KCNH5: variants seen among roughly 807,000 people sequenced by gnomAD.
KCNH5 encodes potassium voltage-gated channel subfamily H member 5, also known as voltage-gated delayed rectifier potassium channel KCNH5.
Under a neutral mutation model 96.1 loss-of-function variants are expected in KCNH5, and 46 were observed. The observed-to-expected ratio is 0.48, with a 90% CI of 0.38 to 0.61. The LOEUF (loss-of-function observed/expected upper bound fraction) is 0.61. Ranked by LOEUF, KCNH5 falls within the 20% of genes least tolerant of loss-of-function variation. The pLI, the probability that KCNH5 is intolerant of heterozygous loss-of-function variation, is 0.00. For missense variants in KCNH5, 907 were observed against 1,225.8 expected (o/e 0.74, Z 3.88); for synonymous variants, 439 against 449.8 (o/e 0.98, Z 0.30).
At chr14:63,019,931 T>C (rs74670087) in intron 1 of KCNH5, among the ~76,000 whole-genome samples, 2,621 of 152,234 alleles carry the variant, frequency 0.017, 28 homozygotes, top group Middle Eastern at 0.051. Flanking sequence ...GATACAGGTA[T>C]CTGAGAAAGA....
chr14:62,711,512 G>A (rs969078663), intron 10 of KCNH5, among the ~76,000 whole-genome samples: 3 of 152,140 alleles, frequency 2.0e-5, no homozygotes, highest in Non-Finnish European at 4.4e-5. Context: ...CGGGAGATAG[G>A]AAGTTAAGTA....
intron 7 of KCNH5, among the ~76,000 whole-genome samples, chr14:62,931,771 C>T (rs1889585297): frequency 1.3e-5 from 2 of 152,090 alleles, no homozygotes; most frequent in South Asian, 4.1e-4. Context: ...GACACCTACC[C>T]CTCCAGATGC....
intron 5 of KCNH5, among the ~76,000 whole-genome samples, chr14:62,984,034 T>C (rs1033495199): frequency 1.3e-5 from 2 of 152,184 alleles, no homozygotes; most frequent in Non-Finnish European, 2.9e-5. Flanking sequence ...GCTTCATCTT[T>C]TTCATATGCA....
intron 7 of KCNH5, among the ~76,000 whole-genome samples, chr14:62,923,966 C>T (rs10150703): frequency 0.19 from 29,210 of 151,588 alleles, 3,626 homozygotes; most frequent in African/African-American, 0.36. Flanking sequence ...AAAACAAACA[C>T]GTGGGACCAC....
intron 6 of KCNH5, among the ~76,000 whole-genome samples, chr14:62,977,627 G>A (rs1890526971): frequency 6.6e-6 from 1 of 152,096 alleles, no homozygotes; most frequent in Admixed American, 6.5e-5. Context: ...TTTGAAAATG[G>A]TTGCCTCTAG....
chr14:62,877,196 A>C (rs1217994652), intron 7 of KCNH5, among the ~76,000 whole-genome samples: 1 of 152,004 alleles, frequency 6.6e-6, no homozygotes, highest in Non-Finnish European at 1.5e-5. Context: ...AATTAATTCA[A>C]GATGGATTAA....
chr14:62,714,672 A>G lies in KCNH5; in HGVS notation c.2020-6217T>C, dbSNP rs148132204. Among the ~76,000 whole-genome samples the G allele has an allele frequency of 4.0e-3, 606 of 152,350 alleles. 4 individuals carry two copies. Among genetic ancestry groups the G allele is most frequent in the African/African-American group, 0.014 (568 of 41,586 alleles). Reference sequence around the variant, plus strand: ...AAGAAATTATTATAGAAAGTGTTAAAGGATTTGAGTTCATAAGAGTTCAAC... The same window carrying G: ...AAGAAATTATTATAGAAAGTGTTAAGGGATTTGAGTTCATAAGAGTTCAAC... On this transcript the variant is annotated intron_variant, in intron 10 of 10. Coordinates refer to ENST00000322893, the MANE Select transcript of KCNH5 (RefSeq NM_139318.5).
At chr14:62,826,395 T>C (rs1339764819) in intron 8 of KCNH5, among the ~76,000 whole-genome samples, 7 of 129,176 alleles carry the variant, frequency 5.4e-5, no homozygotes, top group African/African-American at 1.9e-4. Flanking sequence ...TGTGTGTGTG[T>C]GTGCGTGCGT....
chr14:62,846,787 A>ATTTTT (rs1887701404), intron 8 of KCNH5, among the ~76,000 whole-genome samples: 1 of 65,684 alleles, frequency 1.5e-5, no homozygotes, highest in African/African-American at 5.8e-5. Flanking sequence ...ATTGTATTGT[A>ATTTTT]TCTTTTTTTT....
intron 7 of KCNH5, among the ~76,000 whole-genome samples, chr14:62,916,163 A>G (rs975833759): frequency 6.6e-6 from 1 of 151,978 alleles, no homozygotes; most frequent in African/African-American, 2.4e-5. Flanking sequence ...CGTGTTAGCC[A>G]GGATGGGCTC....
intron 10 of KCNH5, among the ~76,000 whole-genome samples, chr14:62,761,575 T>A (rs2139956320): frequency 6.6e-6 from 1 of 152,210 alleles, no homozygotes; most frequent in South Asian, 2.1e-4. Flanking sequence ...GATGTTGCCT[T>A]GGGGGTTGGG....
At chr14:62,874,460 G>A (rs987934725) in intron 7 of KCNH5, among the ~76,000 whole-genome samples, 1 of 152,140 alleles carries the variant, frequency 6.6e-6, no homozygotes, top group Non-Finnish European at 1.5e-5. Context: ...AAAAAGTCAA[G>A]AAACCAGCAG....
At chr14:63,003,451 T>A (rs943804801) in intron 3 of KCNH5, among the ~76,000 whole-genome samples, 4 of 133,856 alleles carry the variant, frequency 3.0e-5, no homozygotes, top group African/African-American at 8.4e-5. Flanking sequence ...ATATATATAT[T>A]ATATATATAT....
At position 63,033,402 on chromosome 14, in the gene KCNH5, T is replaced by A. The variant is rs1891665032; in HGVS notation, c.73+11712A>T. 2.0e-5 allele frequency among the ~76,000 whole-genome samples: 3 copies of A among 152,230 alleles called. No homozygotes were observed. The South Asian group carries it at 6.2e-4, about 32-fold the overall frequency. ...CATGCTTTCTCTTTGCCTGAAATATTCTTCTTCCCACTTATCCTCTTGTTA... is the reference window on the plus strand; with the variant it reads ...CATGCTTTCTCTTTGCCTGAAATATACTTCTTCCCACTTATCCTCTTGTTA... On this transcript the variant is annotated intron_variant, in intron 1 of 10. Coordinates refer to ENST00000322893, the MANE Select transcript of KCNH5 (RefSeq NM_139318.5).
intron 10 of KCNH5, among the ~76,000 whole-genome samples, chr14:62,766,049 T>C (rs904130029): frequency 1.3e-5 from 2 of 152,140 alleles, no homozygotes; most frequent in African/African-American, 4.8e-5. Flanking sequence ...AAGACATTTT[T>C]CAAAATAAGA....
chr14:63,002,520 GT>G (rs1566536181), intron 3 of KCNH5, among the ~76,000 whole-genome samples: 1 of 152,134 alleles, frequency 6.6e-6, no homozygotes, highest in Non-Finnish European at 1.5e-5. Context: ...TTTTTGTAAG[GT>G]TTAGGATTTG....
intron 8 of KCNH5, among the ~76,000 whole-genome samples, chr14:62,826,845 A>T (rs2140023523): frequency 6.6e-6 from 1 of 151,762 alleles, no homozygotes; most frequent in East Asian, 1.9e-4. Context: ...TTACTTTACT[A>T]TTTTTTCTGT....
chr14:62,822,757 T>C (rs1281238627), intron 8 of KCNH5, among the ~76,000 whole-genome samples: 1 of 151,426 alleles, frequency 6.6e-6, no homozygotes, highest in Non-Finnish European at 1.5e-5. Context: ...AAATGTACAA[T>C]CCATAAAATG....
At chr14:63,020,840 G>T (rs757931672) in intron 1 of KCNH5, among the ~76,000 whole-genome samples, 3 of 152,072 alleles carry the variant, frequency 2.0e-5, no homozygotes, top group Non-Finnish European at 4.4e-5. Flanking sequence ...TCTGACCAGA[G>T]AATCAGAAGT....
Sources: gnomAD v4.1 joint callset for allele counts (sites outside exome capture counted in the v4.1 genomes callset) on GRCh38, gnomAD v4.1.1 for gene constraint, MANE v1.5 for transcripts, NCBI Gene and HGNC (gene_info 2026-07-23, HGNC 2026-07-21) for gene names.